Variants in NRK observed in about 807,000 individuals in gnomAD.
NRK encodes the protein Nik related kinase.
A neutral mutation model predicts 125.2 loss-of-function variants in NRK; 67 were observed. The observed-to-expected ratio is 0.54, with a 90% CI of 0.44 to 0.66. The LOEUF (loss-of-function observed/expected upper bound fraction) is 0.66, where lower values mean the gene tolerates loss of function less well. Ranked by LOEUF, NRK falls within the 30% of genes least tolerant of loss-of-function variation. The pLI, the probability that NRK is intolerant of heterozygous loss-of-function variation, is 0.00. For synonymous variants in NRK, 458 were observed against 429.0 expected, an observed-to-expected ratio of 1.07 and a Z score of -0.84; for missense variants, 1,224 against 1,192.9, an observed-to-expected ratio of 1.03 and a Z score of -0.38.
intron 11 of NRK, among the ~76,000 whole-genome samples, chrX:105,906,803 GTGTGTA>G (rs1226100741): frequency 2.5e-4 from 25 of 101,048 alleles, no homozygotes; most frequent in Middle Eastern, 5.3e-3. Context: ...GTGTGTGTGT[GTGTGTA>G]TAGTTACTAA....
intron 4 of NRK, among the ~76,000 whole-genome samples, chrX:105,882,678 A>T (rs1227960753): frequency 9.0e-6 from 1 of 111,015 alleles, no homozygotes; most frequent in Non-Finnish European, 1.9e-5. Context: ...CACATTCAGA[A>T]ACTTTCTAGT....
intron 23 of NRK, among the ~76,000 whole-genome samples, chrX:105,940,754 C>A (rs938243392): frequency 2.7e-5 from 3 of 111,677 alleles, no homozygotes; most frequent in Non-Finnish European, 5.6e-5. Context: ...GCAAATCCCC[C>A]TGTACTCTCA....
Position 105,939,869 on chromosome X carries a change from A to C in NRK, c.3800-5A>C, listed in dbSNP as rs761675537. On this transcript the variant is annotated splice_polypyrimidine_tract_variant and splice_region_variant and intron_variant, in intron 22 of 28. Transcript: ENST00000243300. The stretch of plus-strand genomic sequence containing the variant: ...TTAAATACTGTATATTTTCTTATCT[A>C]TCAGGTCATAAGAACAGACTTCGGG... 2.5e-5 allele frequency: 27 copies of C among 1,094,849 alleles called. No homozygotes were observed. The Middle Eastern group carries it at 7.3e-4, about 30-fold the overall frequency. The allele number at this position is 1,094,849 out of a possible 1,213,427, so 90.2% of individuals were successfully genotyped here.
At position 105,909,044 on chromosome X, in the gene NRK, C is replaced by A; in HGVS notation, c.1403C>A (p.Pro468His). The A allele has an allele frequency of 1.7e-6, 2 of 1,210,638 alleles. No individual in the cohort carries two copies. The highest frequency in any genetic ancestry group is 3.5e-5 in the South Asian group (2 of 56,929). The change falls in exon 13 of 29, where the codon CCT becomes CAT. Residue 468 changes from proline to histidine, a missense_variant. Pro to His is a moderately conservative substitution (Grantham distance 77, BLOSUM62 -2). Coordinates refer to ENST00000243300, the MANE Select transcript of NRK (RefSeq NM_198465.4). ...SKPLQMQIKAPPRLRRAARVL... is the reference protein window; with the variant it reads ...SKPLQMQIKAHPRLRRAARVL... Reference sequence around the variant, plus strand: ...CCTCTACAAATGCAGATTAAGGCACCTCCACGACTACGGAGGGCAGCCAGG... The same window carrying A: ...CCTCTACAAATGCAGATTAAGGCACATCCACGACTACGGAGGGCAGCCAGG...
intron 2 of NRK, among the ~76,000 whole-genome samples, chrX:105,877,634 A>G (rs1187098386): frequency 1.8e-5 from 2 of 110,883 alleles, no homozygotes; most frequent in East Asian, 2.8e-4. Flanking sequence ...CATTTCTATG[A>G]TCTATTGTCT....
intron 9 of NRK, among the ~76,000 whole-genome samples, chrX:105,901,448 G>A (rs1264671061): frequency 9.0e-6 from 1 of 111,516 alleles, no homozygotes; most frequent in Non-Finnish European, 1.9e-5. Context: ...TGTTGGATGA[G>A]AAGTGTAAAG....
intron 16 of NRK, among the ~76,000 whole-genome samples, chrX:105,920,723 T>C (rs1391804947): frequency 2.7e-5 from 3 of 109,109 alleles, no homozygotes; most frequent in South Asian, 8.0e-4. Context: ...AAAAAACACA[T>C]GAAAAAATGC....
chrX:105,932,300 A>G (rs1323631056), intron 19 of NRK, among the ~76,000 whole-genome samples: 2 of 111,773 alleles, frequency 1.8e-5, no homozygotes, highest in Non-Finnish European at 3.8e-5. Flanking sequence ...TTGATGTACA[A>G]GTATCTGTTT....
At chrX:105,900,075 A>G (rs1376036814) in intron 8 of NRK, among the ~76,000 whole-genome samples, 2 of 109,661 alleles carry the variant, frequency 1.8e-5, no homozygotes, top group African/African-American at 3.3e-5. Context: ...AAAAAGTACT[A>G]AACAGTTGGT....
chrX:105,896,970 C>A (rs2040092431), intron 7 of NRK, among the ~76,000 whole-genome samples: 1 of 112,707 alleles, frequency 8.9e-6, no homozygotes, highest in South Asian at 3.6e-4. Context: ...TAGAGCAACA[C>A]TGTCATATAC....
intron 23 of NRK, 28 bp from the exon 24 acceptor site, chrX:105,943,913 G>T: frequency 1.3e-6 from 1 of 772,157 alleles, no homozygotes; most frequent in Non-Finnish European, 1.9e-6. Flanking sequence ...CTGTGGCATC[G>T]TTACTTTTTT....
At chrX:105,821,880 G>C (rs886990089), upstream of NRK, among the ~76,000 whole-genome samples, 1 of 111,576 alleles carries the variant, frequency 9.0e-6, no homozygotes, top group Non-Finnish European at 1.9e-5. Context: ...AGGAGATAAG[G>C]CCTGCCGGGA....
intron 2 of NRK, among the ~76,000 whole-genome samples, chrX:105,866,297 C>T (rs769548227): frequency 7.3e-5 from 8 of 110,245 alleles, no homozygotes; most frequent in African/African-American, 2.3e-4. Flanking sequence ...ACATCTGCCT[C>T]GGAATGTTAT....
In NRK at chrX:105,924,985, C is replaced by T. The variant is rs761329089; in HGVS notation, c.3266C>T (p.Pro1089Leu). ...GEENCSETDG[P>L]GLKRPASQDF... is the part of the protein sequence containing the mutation. ...GAAAATTGCTCAGAGACAGATGGTCCAGGATTGAAGAGACCTGCGTCTCAG... is the reference window on the plus strand; with the variant it reads ...GAAAATTGCTCAGAGACAGATGGTCTAGGATTGAAGAGACCTGCGTCTCAG... Residue 1089 changes from proline (P) to leucine (L), a missense_variant, in exon 19 of 29, where the codon CCA becomes CTA. Transcript: ENST00000243300. 4.1e-6 allele frequency: 5 copies of T among 1,209,103 alleles called. No individual in the cohort carries two copies. In the African/African-American group the frequency reaches 8.7e-5, roughly 21 times the overall value.
At chrX:105,876,696 T>A (rs1477202922) in intron 2 of NRK, among the ~76,000 whole-genome samples, 1 of 112,173 alleles carries the variant, frequency 8.9e-6, no homozygotes, top group Non-Finnish European at 1.9e-5. Context: ...CTTTTGTGTG[T>A]TTAACACAAA....
At chrX:105,949,229 A>T (rs1050837455) in intron 26 of NRK, among the ~76,000 whole-genome samples, 1 of 112,099 alleles carries the variant, frequency 8.9e-6, no homozygotes, top group Non-Finnish European at 1.9e-5. Flanking sequence ...TTAATGTGTT[A>T]TCTTAAACCC....
At chrX:105,872,600 C>T (rs376789926) in intron 2 of NRK, among the ~76,000 whole-genome samples, 11 of 111,419 alleles carry the variant, frequency 9.9e-5, no homozygotes, top group African/African-American at 3.3e-4. Flanking sequence ...CTCAGCCACA[C>T]CTCCAAACCC....
chrX:105,831,847 A>T (rs903937308), intron 2 of NRK, among the ~76,000 whole-genome samples: 4 of 111,982 alleles, frequency 3.6e-5, no homozygotes, highest in Non-Finnish European at 7.5e-5. Context: ...ATCAAAAATT[A>T]AAAAAATGCG....
intron 2 of NRK, among the ~76,000 whole-genome samples, chrX:105,833,371 C>T (rs2039220486): frequency 9.0e-6 from 1 of 111,124 alleles, no homozygotes; most frequent in African/African-American, 3.3e-5. Flanking sequence ...ACATAGATAC[C>T]TACATCTTAT....
Sources: gnomAD v4.1 joint callset for allele counts (sites outside exome capture counted in the v4.1 genomes callset) on GRCh38, gnomAD v4.1.1 for gene constraint, MANE v1.5 for transcripts, NCBI Gene and HGNC (gene_info 2026-07-23, HGNC 2026-07-21) for gene names.